The following CDH20 variants were observed in gnomAD, a reference collection of about 807,000 sequenced individuals.
CDH20 encodes cadherin-20.
Under a neutral mutation model 74.2 loss-of-function variants are expected in CDH20, and 29 were observed. The observed-to-expected ratio is 0.39, with a 90% CI of 0.29 to 0.53. CDH20 has a LOEUF of 0.53. Ranked by LOEUF, CDH20 falls within the 20% of genes least tolerant of loss-of-function variation. The probability of loss-of-function intolerance (pLI) is 0.69; values close to 1 mark genes in which losing one functional copy is unlikely to be tolerated. For missense variants in CDH20, 988 were observed against 1,048.3 expected, an observed-to-expected ratio of 0.94 and a Z score of 0.79; for synonymous variants, 469 against 405.4, an observed-to-expected ratio of 1.16 and a Z score of -1.88.
intron 1 of CDH20, among the ~76,000 whole-genome samples, chr18:61,360,697 G>T (rs1054642696): frequency 2.0e-5 from 3 of 152,178 alleles, no homozygotes; most frequent in African/African-American, 7.2e-5. Flanking sequence ...ACTAAGGTAG[G>T]AATAGTCCAG....
chr18:61,545,101 T>A lies in CDH20; in HGVS notation c.1605T>A (p.Pro535=). The change falls in exon 10 of 12, where the codon CCT becomes CCA. Residue 535 remains proline, a synonymous_variant. Transcript: ENST00000262717. Reference sequence around the variant, plus strand: ...AGCATTTCTACTACAGCTTGGCTCCTGAGGCTGCTAACAACCCCAACTTTA... The same window carrying A: ...AGCATTTCTACTACAGCTTGGCTCCAGAGGCTGCTAACAACCCCAACTTTA... ...NGQHFYYSLA[P]EAANNPNFTI... is the part of the protein sequence containing the mutation. 2 of 1,613,882 alleles carry A rather than the reference T, an allele frequency of 1.2e-6. No homozygotes were observed. The highest frequency in any genetic ancestry group is 1.7e-6 in the Non-Finnish European group (2 of 1,179,816).
chr18:61,409,393 G>C (rs901229823), intron 1 of CDH20, among the ~76,000 whole-genome samples: 1 of 152,082 alleles, frequency 6.6e-6, no homozygotes, highest in Admixed American at 6.5e-5. Flanking sequence ...CCTTCAACAC[G>C]GTCCTGTGGC....
Position 61,353,707 on chromosome 18 carries a change from G to A in CDH20, c.-153+19880G>A, listed in dbSNP as rs1162756271. Among the ~76,000 whole-genome samples, 1 of 152,062 alleles carries A rather than the reference G, an allele frequency of 6.6e-6. No homozygotes were observed. Among genetic ancestry groups the A allele is most frequent in the Non-Finnish European group, 1.5e-5 (1 of 68,024 alleles). On this transcript the variant is annotated intron_variant, in intron 1 of 11. Transcript: ENST00000262717. The surrounding 1 kb of genome is among the most constrained non-coding windows in gnomAD (Gnocchi z 4.6). ...CCCACTGAGATCACTCTTGATCTTG[G>A]CCTGCACTAGCCAATACAGCAGCTA...
intron 1 of CDH20, among the ~76,000 whole-genome samples, chr18:61,444,635 G>T (rs761214457): frequency 1.3e-5 from 2 of 152,154 alleles, no homozygotes; most frequent in Non-Finnish European, 2.9e-5. Context: ...AGGGCTGCCG[G>T]AGAGGTGCAA....
At chr18:61,488,270 G>A (rs959042606) in intron 1 of CDH20, among the ~76,000 whole-genome samples, 13 of 152,048 alleles carry the variant, frequency 8.5e-5, no homozygotes, top group South Asian at 4.2e-4. Context: ...GCTACCAGAC[G>A]GGACTTATCA....
chr18:61,456,324 C>T (rs1025041766), intron 1 of CDH20, among the ~76,000 whole-genome samples: 6 of 152,158 alleles, frequency 3.9e-5, no homozygotes, highest in Non-Finnish European at 7.3e-5. Flanking sequence ...TTGGGAGTTA[C>T]CCCTCTGAGG....
At chr18:61,437,887 T>C (rs1217500036) in intron 1 of CDH20, among the ~76,000 whole-genome samples, 1 of 152,188 alleles carries the variant, frequency 6.6e-6, no homozygotes, top group African/African-American at 2.4e-5. Flanking sequence ...TACTATGTTT[T>C]CACGTTGGGT....
In CDH20 at chr18:61,509,705, G is replaced by A. The variant is rs79974461; in HGVS notation, c.1017+2145G>A. 7.9e-3 allele frequency among the ~76,000 whole-genome samples: 1,203 copies of A among 152,306 alleles called. 17 individuals are homozygous for A. Among genetic ancestry groups the A allele is most frequent in the African/African-American group, 0.027 (1,124 of 41,564 alleles). On this transcript the variant is annotated intron_variant, in intron 6 of 11. Transcript: ENST00000262717. ...TCATTATAAATACTCAGTAGGCTGT[G>A]TTGAGGTCAGGGGAGTTTAAGGAGA...
chr18:61,467,371 G>GT (rs1044790448), intron 1 of CDH20, among the ~76,000 whole-genome samples: 1 of 151,964 alleles, frequency 6.6e-6, no homozygotes, highest in Non-Finnish European at 1.5e-5. Flanking sequence ...GGTGTTTGGG[G>GT]TTTTTTTCCC....
intron 1 of CDH20, among the ~76,000 whole-genome samples, chr18:61,484,356 G>A (rs1298126817): frequency 6.6e-6 from 1 of 152,152 alleles, no homozygotes; most frequent in Admixed American, 6.5e-5. Flanking sequence ...AAAACTGGAG[G>A]AAGGGTAAAG....
chr18:61,545,006 G>C (rs769661869), intron 9 of CDH20, 21 bp from the exon 10 acceptor site: 47 of 1,551,158 alleles, frequency 3.0e-5, no homozygotes, highest in East Asian at 2.2e-5. Context: ...CAACTCACCT[G>C]ATTTCATGTC....
rs80183028 is a variant in CDH20, at chr18:61,474,664, T to C, written c.-152-15738T>C. On this transcript the variant is annotated intron_variant, in intron 1 of 11. Transcript: ENST00000262717. ...TTAAATAATTCAACTCCAAGTTTTA[T>C]TATATTCCTGTTGGTGCCGACACCA... Among the ~76,000 whole-genome samples the C allele has an allele frequency of 5.8e-3, 882 of 152,294 alleles. 6 individuals are homozygous for C. Among genetic ancestry groups the C allele is most frequent in the African/African-American group, 0.019 (789 of 41,552 alleles).
At position 61,519,148 on chromosome 18, in the gene CDH20, G is replaced by T. The variant is rs1454210108; in HGVS notation, c.1018-8819G>T. On this transcript the variant is annotated intron_variant, in intron 6 of 11. Coordinates refer to ENST00000262717, the MANE Select transcript of CDH20 (RefSeq NM_031891.4). ...GAAAAGACCAAACCTACATTTGTTT[G>T]TTGTACCTGAAAGTGACGGGGAGAA... Among the ~76,000 whole-genome samples, 3 of 151,376 alleles carry T rather than the reference G, an allele frequency of 2.0e-5. 1 individual carries two copies. Among genetic ancestry groups the T allele is most frequent in the African/African-American group, 7.4e-5 (3 of 40,770 alleles).
intron 1 of CDH20, among the ~76,000 whole-genome samples, chr18:61,415,430 G>T (rs1912650550): frequency 6.6e-6 from 1 of 152,160 alleles, no homozygotes; most frequent in South Asian, 2.1e-4. Context: ...CACACACTTT[G>T]TGTGAGTCCC....
intron 1 of CDH20, among the ~76,000 whole-genome samples, chr18:61,360,425 A>G (rs1309898808): frequency 6.6e-6 from 1 of 152,200 alleles, no homozygotes; most frequent in Admixed American, 6.5e-5. Context: ...ACAAAATGAA[A>G]GACCCAATTC....
chr18:61,502,862 A>T, intron 4 of CDH20, 91 bp from the exon 5 acceptor site: 1 of 1,042,308 alleles, frequency 9.6e-7, no homozygotes, highest in Non-Finnish European at 1.4e-6. Flanking sequence ...TCTAGGCATT[A>T]ATGGTGCACC....
chr18:61,459,633 T>C (rs996219080), intron 1 of CDH20, among the ~76,000 whole-genome samples: 6 of 152,094 alleles, frequency 3.9e-5, no homozygotes, highest in African/African-American at 1.4e-4. Context: ...CCTAGGAGCT[T>C]TTCAGAAATG....
At position 61,473,526 on chromosome 18, in the gene CDH20, G is replaced by T. The variant is rs114283767; in HGVS notation, c.-152-16876G>T. On this transcript the variant is annotated intron_variant, in intron 1 of 11. Transcript: ENST00000262717. ...TGGAAAAGATAAAAGGGATTATAGG[G>T]GAAAAAATAATAAATTTTGCAATAA... Among the ~76,000 whole-genome samples the T allele has an allele frequency of 3.3e-3, 465 of 139,622 alleles. 2 individuals are homozygous for T. The highest frequency in any genetic ancestry group is 0.013 in the African/African-American group (440 of 34,516). The allele number at this position is 139,622 out of a possible 152,430, so 91.6% of individuals were successfully genotyped here. A position where few individuals can be genotyped will look rare whatever the true frequency, so the allele number is the denominator to read the frequency against.
chr18:61,484,416 C>A (rs998341587), intron 1 of CDH20, among the ~76,000 whole-genome samples: 5 of 152,102 alleles, frequency 3.3e-5, no homozygotes, highest in African/African-American at 1.2e-4. Flanking sequence ...TTACTAGATA[C>A]TAAGTATGGG....
Sources: allele counts gnomAD v4.1 joint callset (sites outside exome capture counted in the v4.1 genomes callset), GRCh38; gene constraint gnomAD v4.1.1; non-coding constraint Gnocchi (gnomAD v3.1); transcripts MANE v1.5; gene names NCBI Gene and HGNC (gene_info 2026-07-23, HGNC 2026-07-21).